CEP112: variants seen among roughly 807,000 people sequenced by gnomAD.
The protein encoded by CEP112 is centrosomal protein of 112 kDa.
In CEP112, 127 loss-of-function variants were observed where a neutral mutation model predicts 153.0. The ratio of observed to expected loss-of-function variants is 0.83; its 90% CI spans 0.72 to 0.96. The LOEUF (loss-of-function observed/expected upper bound fraction) is 0.96, where lower values mean the gene tolerates loss of function less well. Ranked by LOEUF, CEP112 falls within the 40% of genes least tolerant of loss-of-function variation. The pLI, the probability that CEP112 is intolerant of heterozygous loss-of-function variation, is 0.00. For missense variants in CEP112, 1,089 were observed against 1,101.2 expected, an observed-to-expected ratio of 0.99 and a Z score of 0.16; for synonymous variants, 358 against 374.4, an observed-to-expected ratio of 0.96 and a Z score of 0.51.
rs189862725 is a variant in CEP112, at chr17:66,055,248, C to G, written c.1075-1369G>C. On this transcript the variant is annotated intron_variant, in intron 11 of 26. Coordinates refer to ENST00000535342, the MANE Select transcript of CEP112 (RefSeq NM_001199165.4). The stretch of plus-strand genomic sequence containing the variant: ...GGTAAAGGTCTCAAGAACGCTTCTT[C>G]TAGTTTCTAGCTGAATAGGAAGAAT... 2.3e-4 allele frequency among the ~76,000 whole-genome samples: 35 copies of G among 152,234 alleles called. 2 individuals carry two copies. In the East Asian group the frequency reaches 6.6e-3, roughly 29 times the overall value.
chr17:66,163,531 T>C (rs1467382205), intron 4 of CEP112, among the ~76,000 whole-genome samples: 1 of 152,036 alleles, frequency 6.6e-6, no homozygotes, highest in East Asian at 1.9e-4. Context: ...AACATACTTA[T>C]TTTAATTTTT....
Position 66,078,794 on chromosome 17 carries a change from T to TA in CEP112, c.769-8794dup, listed in dbSNP as rs555234517. 3.5e-3 allele frequency among the ~76,000 whole-genome samples: 531 copies of TA among 152,322 alleles called. 2 individuals carry two copies. Among genetic ancestry groups the TA allele is most frequent in the African/African-American group, 0.012 (498 of 41,542 alleles). ...TTGTTTCAAGATTTAGAGCTCCTTT[T>TA]AGCACTTCTTGTAGTGGTGGCTTGG... On this transcript the variant is annotated intron_variant, in intron 8 of 26. Coordinates refer to ENST00000535342, the MANE Select transcript of CEP112 (RefSeq NM_001199165.4).
chr17:65,716,757 G>A (rs914312179), intron 23 of CEP112, among the ~76,000 whole-genome samples: 3 of 152,000 alleles, frequency 2.0e-5, no homozygotes, highest in African/African-American at 7.3e-5. Context: ...TCAAAATGTG[G>A]GGATAATAAT....
intron 21 of CEP112, among the ~76,000 whole-genome samples, chr17:65,790,935 C>T (rs1049815360): frequency 6.6e-6 from 1 of 152,160 alleles, no homozygotes; most frequent in Non-Finnish European, 1.5e-5. Context: ...ATGTACCTGA[C>T]ATACAGGCAC....
chr17:66,019,245 T>C (rs2064896066), intron 16 of CEP112, among the ~76,000 whole-genome samples: 1 of 152,118 alleles, frequency 6.6e-6, no homozygotes, highest in African/African-American at 2.4e-5. Flanking sequence ...TTCCTCCCCC[T>C]GAAGAGATAT....
intron 12 of CEP112, 107 bp downstream of exon 12, chr17:66,053,629 G>T: frequency 8.7e-7 from 1 of 1,146,588 alleles, no homozygotes; most frequent in Non-Finnish European, 1.2e-6. Flanking sequence ...TTTTTCTTTT[G>T]ATTCTGTAAC....
At chr17:65,909,720 A>C (rs1407280583) in intron 19 of CEP112, among the ~76,000 whole-genome samples, 1 of 152,216 alleles carries the variant, frequency 6.6e-6, no homozygotes, top group Non-Finnish European at 1.5e-5. Context: ...GGCAGTGAAC[A>C]AACAAGGAAA....
intron 19 of CEP112, among the ~76,000 whole-genome samples, chr17:65,917,181 G>A (rs566775949): frequency 1.3e-5 from 2 of 152,302 alleles, no homozygotes. Flanking sequence ...TAAGTTGAAA[G>A]GAAGCATCAT....
chr17:66,117,110 G>A (rs2069336525), intron 6 of CEP112, among the ~76,000 whole-genome samples: 1 of 151,938 alleles, frequency 6.6e-6, no homozygotes, highest in African/African-American at 2.4e-5. Context: ...TGGCCAGGAT[G>A]GTCTGGATCT....
chr17:65,739,109 T>G (rs2050971569), intron 23 of CEP112, among the ~76,000 whole-genome samples: 1 of 152,250 alleles, frequency 6.6e-6, no homozygotes, highest in Non-Finnish European at 1.5e-5. Context: ...CTGATTAATC[T>G]GTTAAAAAGG....
intron 24 of CEP112, among the ~76,000 whole-genome samples, chr17:65,658,266 A>C (rs1455764941): frequency 6.6e-6 from 1 of 152,180 alleles, no homozygotes. Flanking sequence ...TTGATCTGGA[A>C]ATATTGTGAT....
At chr17:65,765,063 G>T (rs1036093105) in intron 21 of CEP112, among the ~76,000 whole-genome samples, 2 of 123,862 alleles carry the variant, frequency 1.6e-5, no homozygotes, top group African/African-American at 6.8e-5. Flanking sequence ...CCTCCACCCT[G>T]CTTGATCTAG....
chr17:65,853,317 TG>T (rs1246347419), intron 20 of CEP112, among the ~76,000 whole-genome samples: 1 of 152,140 alleles, frequency 6.6e-6, no homozygotes, highest in Non-Finnish European at 1.5e-5. Context: ...CAGATGGATT[TG>T]TTCTCTCTGG....
chr17:66,045,283 T>C (rs1341867109), intron 12 of CEP112, among the ~76,000 whole-genome samples: 1 of 152,070 alleles, frequency 6.6e-6, no homozygotes. Context: ...TTGCTCAGGC[T>C]GGTCTCAAAC....
At chr17:65,787,669 G>A (rs1406910368) in intron 21 of CEP112, among the ~76,000 whole-genome samples, 1 of 152,044 alleles carries the variant, frequency 6.6e-6, no homozygotes, top group East Asian at 1.9e-4. Context: ...GGACTTATAC[G>A]GCTATTCTTA....
intron 22 of CEP112, among the ~76,000 whole-genome samples, chr17:65,749,046 A>C (rs1468168361): frequency 6.6e-6 from 1 of 152,212 alleles, no homozygotes; most frequent in Non-Finnish European, 1.5e-5. Flanking sequence ...TTTTGATTGC[A>C]AGAATCTTTT....
Position 66,132,872 on chromosome 17 carries a change from A to C in CEP112, c.471-109T>G. 15 of 776,558 alleles carry C rather than the reference A, an allele frequency of 1.9e-5. No homozygotes were observed. The South Asian group carries it at 2.3e-4, about 12-fold the overall frequency. 48.1% of individuals were successfully genotyped at this position (776,558 alleles called of 1,614,324 possible). ...CCTTGGAACTGAGATGATAGTTTGT[A>C]TTAACAATGATGTTCCATAGCCGGG... On this transcript the variant is annotated intron_variant, in intron 4 of 26. Coordinates refer to ENST00000535342, the MANE Select transcript of CEP112 (RefSeq NM_001199165.4).
chr17:66,096,434 C>T, intron 7 of CEP112, 106 bp from the exon 8 acceptor site: 1 of 1,183,098 alleles, frequency 8.5e-7, no homozygotes, highest in South Asian at 1.3e-5. Flanking sequence ...ATAGTACTAA[C>T]ACTGCAGGAA....
At chr17:65,888,405 C>A (rs1429041856) in intron 20 of CEP112, among the ~76,000 whole-genome samples, 1 of 152,054 alleles carries the variant, frequency 6.6e-6, no homozygotes, top group Non-Finnish European at 1.5e-5. Flanking sequence ...TTGTATACCT[C>A]CTCTTAGCGC....
Sources: gnomAD v4.1 joint callset for allele counts (sites outside exome capture counted in the v4.1 genomes callset) on GRCh38, gnomAD v4.1.1 for gene constraint, MANE v1.5 for transcripts, NCBI Gene and HGNC (gene_info 2026-07-23, HGNC 2026-07-21) for gene names.